The following SGSM3 variants were observed in gnomAD, a reference collection of about 807,000 sequenced individuals.
The protein encoded by SGSM3 is RUN and SH3 containing 3.
Under a neutral mutation model 100.5 loss-of-function variants are expected in SGSM3, and 96 were observed. The ratio of observed to expected loss-of-function variants is 0.96; its 90% CI spans 0.81 to 1.13. The LOEUF is 1.13. Among genes scored for constraint, SGSM3 ranks in the 50% most tolerant of loss-of-function variants. The pLI, the probability that SGSM3 is intolerant of heterozygous loss-of-function variation, is 0.00. For synonymous variants in SGSM3, 483 were observed against 422.8 expected (o/e 1.14, Z -1.75); for missense variants, 1,001 against 1,015.8 (o/e 0.99, Z 0.20).
rs1455248909 is a variant in SGSM3 at position 40,387,428 on chromosome 22, T to C, written c.-111-13268T>C. 4 of 379,092 alleles carry C rather than the reference T, an allele frequency of 1.1e-5. No individual in the cohort carries two copies. In the East Asian group the frequency reaches 1.5e-4, roughly 14 times the overall value. The allele number at this position is 379,092 out of a possible 1,614,324, so 23.5% of individuals were successfully genotyped here. A position where few individuals can be genotyped will look rare whatever the true frequency, so the allele number is the denominator to read the frequency against. ...AGATGAGATAGTTTGTTGACCTGTG[T>C]AGTTTAATTATATGAAAAATAGCAA... On this transcript the variant is annotated intron_variant, in intron 1 of 21. Coordinates refer to ENST00000248929, the MANE Select transcript of SGSM3 (RefSeq NM_015705.6).
intron 1 of SGSM3, among the ~76,000 whole-genome samples, chr22:40,374,156 C>G (rs571439313): frequency 3.3e-4 from 50 of 151,542 alleles, no homozygotes; most frequent in African/African-American, 1.1e-3. Context: ...GGGGCTTCAC[C>G]GTGTTAGCCA....
At chr22:40,408,488 G>A (rs2051999366) in intron 16 of SGSM3, 59 bp downstream of exon 16, 1 of 1,605,658 alleles carries the variant, frequency 6.2e-7, no homozygotes, top group Non-Finnish European at 8.5e-7. Flanking sequence ...GTGCCCCCTA[G>A]TACCCATCTT....
At chr22:40,395,073 G>T (rs2049873842) in intron 1 of SGSM3, among the ~76,000 whole-genome samples, 1 of 152,132 alleles carries the variant, frequency 6.6e-6, no homozygotes, top group Admixed American at 6.5e-5. Flanking sequence ...TTTTACAGAA[G>T]AAATTGCAGG....
Position 40,409,468 on chromosome 22 carries a change from C to T in SGSM3, c.2115C>T (p.Val705=). 1.9e-6 allele frequency: 3 copies of T among 1,580,564 alleles called. No homozygotes were observed. The highest frequency in any genetic ancestry group is 2.6e-6 in the Non-Finnish European group (3 of 1,163,216). Reference sequence around the variant, plus strand: ...ACCACCCCTTCCTCACCTCTAGAGTCCTCTGCTGCTTTGCCTTCAGCCTCT... The same window carrying T: ...ACCACCCCTTCCTCACCTCTAGAGTTCTCTGCTGCTTTGCCTTCAGCCTCT... ...GWVQIKCELR[V]LCCFAFSLSQ... Residue 705 remains valine (V), a synonymous_variant, in exon 21 of 22, where the codon GTC becomes GTT. Transcript: ENST00000248929.
intron 1 of SGSM3, among the ~76,000 whole-genome samples, chr22:40,392,018 C>G (rs1181415397): frequency 6.6e-6 from 1 of 152,126 alleles, no homozygotes; most frequent in Non-Finnish European, 1.5e-5. Flanking sequence ...CTGCACTTTT[C>G]CTTGTTTGTA....
At chr22:40,404,094 CAGAAAGCCAT>C (rs1182086515) in intron 4 of SGSM3, 143 bp from the exon 5 acceptor site, 2 of 564,784 alleles carry the variant, frequency 3.5e-6, no homozygotes, top group Admixed American at 3.3e-5. Flanking sequence ...CTGGAGCTGT[CAGAAAGCCAT>C]TAGCTATGGG....
chr22:40,386,804 CT>C (rs1234773607), intron 1 of SGSM3, among the ~76,000 whole-genome samples: 1 of 151,898 alleles, frequency 6.6e-6, no homozygotes, highest in Non-Finnish European at 1.5e-5. Context: ...GTGTGAGTCC[CT>C]TTGCCCTGCA....
chr22:40,381,076 TAGGAA>T (rs1475807759), intron 1 of SGSM3, among the ~76,000 whole-genome samples: 1 of 152,200 alleles, frequency 6.6e-6, no homozygotes, highest in Non-Finnish European at 1.5e-5. Flanking sequence ...ACGAAGTAAT[TAGGAA>T]AGGTTATAGA....
intron 1 of SGSM3, among the ~76,000 whole-genome samples, chr22:40,388,462 G>A (rs1179597194): frequency 6.6e-6 from 1 of 152,220 alleles, no homozygotes; most frequent in African/African-American, 2.4e-5. Context: ...AGGCAAGTGC[G>A]AGGCAGGTGT....
intron 7 of SGSM3, 140 bp from the exon 8 acceptor site, chr22:40,405,509 A>C (rs1206633962): frequency 2.2e-6 from 2 of 905,708 alleles, no homozygotes; most frequent in Non-Finnish European, 3.4e-6. Flanking sequence ...GGCCAAGGAA[A>C]GCAGCCCAGG....
chr22:40,406,212 C>T lies in SGSM3; in HGVS notation c.949C>T (p.Leu317=), dbSNP rs1186870507. 1.9e-6 allele frequency: 3 copies of T among 1,613,988 alleles called. No homozygotes were observed. Among genetic ancestry groups the T allele is most frequent in the Non-Finnish European group, 2.5e-6 (3 of 1,180,026 alleles). ...GCTGTTCCAGCTCACGCTGGGCATG[C>T]TGCACCTCAAGGTGCTCCACGGCCC... ...RVLFQLTLGM[L]HLKEEELIQS... is the part of the protein sequence containing the mutation. Residue 317 remains leucine, a synonymous_variant, in exon 9 of 22, where the codon CTG becomes TTG. Transcript: ENST00000248929.
chr22:40,404,996 G>A, intron 6 of SGSM3, 145 bp from the exon 7 acceptor site: 1 of 1,131,420 alleles, frequency 8.8e-7, no homozygotes, highest in Middle Eastern at 2.4e-4. Context: ...ACACTGGCTG[G>A]GAGCTGACCC....
Position 40,406,160 on chromosome 22 carries a change from C to A in SGSM3, c.897C>A (p.Asp299Glu). ...TCAAGCTGCTCCTGCGCATCTGGGA[C>A]CTGTTTTTCTACGAGGGCTCCCGGG... ...VDIKLLLRIW[D>E]LFFYEGSRVL... Residue 299 changes from aspartate (D) to glutamate (E), a missense_variant, in exon 9 of 22, where the codon GAC becomes GAA. Asp to Glu is a conservative substitution (Grantham distance 45). Coordinates refer to ENST00000248929, the MANE Select transcript of SGSM3 (RefSeq NM_015705.6). 6.2e-7 allele frequency: 1 copy of A among 1,614,154 alleles called. No individual in the cohort carries two copies. Among genetic ancestry groups the A allele is most frequent in the Non-Finnish European group, 8.5e-7 (1 of 1,180,042 alleles).
chr22:40,392,770 G>A (rs2146900149), intron 1 of SGSM3, among the ~76,000 whole-genome samples: 1 of 152,274 alleles, frequency 6.6e-6, no homozygotes, highest in African/African-American at 2.4e-5. Context: ...ACCATCATCA[G>A]TATCTAATTC....
chr22:40,377,565 G>A (rs532372830), intron 1 of SGSM3, among the ~76,000 whole-genome samples: 5 of 152,292 alleles, frequency 3.3e-5, no homozygotes, highest in South Asian at 2.1e-4. Flanking sequence ...GCCTGGTGTC[G>A]TGGCTCACGC....
At chr22:40,379,260 T>C (rs2047171431) in intron 1 of SGSM3, 1 of 152,232 alleles carries the variant, frequency 6.6e-6, no homozygotes, top group African/African-American at 2.4e-5. Flanking sequence ...TAAACATATG[T>C]TGATTGAATG....
At chr22:40,402,794 A>G (rs1293425783) in intron 4 of SGSM3, among the ~76,000 whole-genome samples, 3 of 152,244 alleles carry the variant, frequency 2.0e-5, no homozygotes, top group Non-Finnish European at 4.4e-5. Context: ...TATAGTGAAT[A>G]TACAGTATTT....
intron 6 of SGSM3, 154 bp from the exon 7 acceptor site, chr22:40,404,987 C>A (rs750338014): frequency 1.9e-5 from 11 of 588,676 alleles, no homozygotes; most frequent in Middle Eastern, 8.6e-4. Context: ...CCCGGCTCCA[C>A]ACTGGCTGGG....
In SGSM3 at chr22:40,409,250, T is replaced by C; in HGVS notation, c.1989T>C (p.Asn663=). The change falls in exon 20 of 22, where the codon AAT becomes AAC. Residue 663 remains asparagine, a splice_region_variant and synonymous_variant. Coordinates refer to ENST00000248929, the MANE Select transcript of SGSM3 (RefSeq NM_015705.6). ...TCCCCACTCCTGGCCATGTCCCCAG[T>C]GAGCAGGTGCTGCACCTGTGGCTGG... The part of the protein sequence containing the change: ...KLRSLICVGL[N]EQVLHLWLEV... 7 of 1,602,224 alleles carry C rather than the reference T, an allele frequency of 4.4e-6. No individual in the cohort carries two copies. The highest frequency in any genetic ancestry group is 6.0e-6 in the Non-Finnish European group (7 of 1,176,364).
Sources: gnomAD v4.1 joint callset for allele counts (sites outside exome capture counted in the v4.1 genomes callset) on GRCh38, gnomAD v4.1.1 for gene constraint, MANE v1.5 for transcripts, NCBI Gene and HGNC (gene_info 2026-07-23, HGNC 2026-07-21) for gene names.